The following GIMAP1 variants were observed in gnomAD, a reference collection of about 807,000 sequenced individuals.
The protein encoded by GIMAP1 is GTPase, IMAP family member 1, also known as GTPase IMAP family member 1.
For missense variants in GIMAP1, 423 were observed against 411.9 expected, an observed-to-expected ratio of 1.03 and a Z score of -0.23; for synonymous variants, 230 against 187.7, an observed-to-expected ratio of 1.23 and a Z score of -1.84.
rs1205450432 is a variant in GIMAP1 at position 150,723,007 on chromosome 7, C to G, written c.*2082C>G. ...TCCCCACCTCCAGAGTCTAGTCCTG[C>G]CTCCTACCTCAGTAATAAAAAGTAG... is the stretch of plus-strand genomic sequence containing the variant. On this transcript the variant is annotated 3_prime_UTR_variant, in exon 3 of 3. Transcript: ENST00000307194. 6.6e-6 allele frequency: 1 copy of G among 152,150 alleles called. No homozygotes were observed. The highest frequency in any genetic ancestry group is 1.5e-5 in the Non-Finnish European group (1 of 68,034). The allele number at this position is 152,150 out of a possible 1,614,324, so 9.4% of individuals were successfully genotyped here.
At position 150,720,904 on chromosome 7, in the gene GIMAP1, TG is replaced by T. The variant is rs1667907432; in HGVS notation, c.901del (p.Ala301ArgfsTer22). On this transcript the variant is annotated frameshift_variant, in exon 3 of 3. Coordinates refer to ENST00000307194, the MANE Select transcript of GIMAP1 (RefSeq NM_130759.4). LOFTEE classifies it low-confidence loss of function (END_TRUNC). This position sits in a 1 kb window ranked among gnomAD's most constrained non-coding sequence, Gnocchi z 4.5. ...TCCACAGGCGGTGGTCGGAGGCCGT[TG>T]CGGAGGTCGGGCCTGACTGACAGCG... ...LLHRRWSEAVAEVGPD is the reference protein window; with the variant it reads ...LLHRRWSEAVXEVGPD 6.3e-7 allele frequency: 1 copy of T among 1,581,448 alleles called. No individual in the cohort carries two copies.
intron 1 of GIMAP1, among the ~76,000 whole-genome samples, chr7:150,717,460 C>A (rs1011441622): frequency 6.6e-6 from 1 of 152,090 alleles, no homozygotes; most frequent in Non-Finnish European, 1.5e-5. Flanking sequence ...ATAAACTTTG[C>A]GGTCTCTTAA....
chr7:150,721,089 G>C lies in GIMAP1; in HGVS notation c.*164G>C, dbSNP rs374257583. 2.3e-4 allele frequency: 131 copies of C among 580,590 alleles called. 2 individuals are homozygous for C. In the South Asian group the frequency reaches 2.4e-3, roughly 11 times the overall value. 36.0% of individuals were successfully genotyped at this position (580,590 alleles called of 1,614,324 possible). ...ACCTTTGCAACTTTGCCAAAGCTCAGAGTTCACTTTTTAAGTTTTTAACTC... is the reference window on the plus strand; with the variant it reads ...ACCTTTGCAACTTTGCCAAAGCTCACAGTTCACTTTTTAAGTTTTTAACTC... On this transcript the variant is annotated 3_prime_UTR_variant, in exon 3 of 3. Coordinates refer to ENST00000307194, the MANE Select transcript of GIMAP1 (RefSeq NM_130759.4).
At position 150,720,830 on chromosome 7, in the gene GIMAP1, C is replaced by T. The variant is rs772190415; in HGVS notation, c.826C>T (p.Leu276=). The T allele has an allele frequency of 6.9e-6, 11 of 1,603,534 alleles. No individual in the cohort carries two copies. In the African/African-American group the frequency reaches 1.3e-4, roughly 19 times the overall value. The part of the protein sequence containing the change: ...KWLKSPRSWR[L]GLALLLGGAL... Reference sequence around the variant, plus strand: ...GCTGAAGTCCCCCAGGAGCTGGAGGCTGGGCCTGGCCCTGCTGCTGGGGGG... The same window carrying T: ...GCTGAAGTCCCCCAGGAGCTGGAGGTTGGGCCTGGCCCTGCTGCTGGGGGG... Residue 276 remains leucine (L), a synonymous_variant, in exon 3 of 3, where the codon CTG becomes TTG. Transcript: ENST00000307194. This position sits in a 1 kb window ranked among gnomAD's most constrained non-coding sequence, Gnocchi z 4.5.
intron 1 of GIMAP1, 62 bp from the exon 2 acceptor site, chr7:150,718,980 T>C (rs201754263): frequency 5.1e-6 from 5 of 984,768 alleles, no homozygotes; most frequent in Non-Finnish European, 6.8e-6. Flanking sequence ...TGCCTATTTG[T>C]GGTTATGCCT....
rs548783859 is a variant in GIMAP1, at chr7:150,719,402, T to C, written c.43+312T>C. ...AGTGAACATGATTTGTGAGGTAGAA[T>C]GTTTAGAGAACAAGGATAGAGGGTT... is the stretch of plus-strand genomic sequence containing the variant. On this transcript the variant is annotated intron_variant, in intron 2 of 2. Transcript: ENST00000307194. 23 of 331,348 alleles carry C rather than the reference T, an allele frequency of 6.9e-5. No individual in the cohort carries two copies. The Admixed American group carries it at 7.1e-4, about 10-fold the overall frequency. 20.5% of individuals were successfully genotyped at this position (331,348 alleles called of 1,614,324 possible).
chr7:150,717,614 A>C (rs1797236342), intron 1 of GIMAP1, among the ~76,000 whole-genome samples: 1 of 152,214 alleles, frequency 6.6e-6, no homozygotes, highest in Admixed American at 6.5e-5. Context: ...AAACTATGGA[A>C]AATTCCAAAG....
Position 150,720,361 on chromosome 7 carries a change from C to A in GIMAP1, c.357C>A (p.Thr119=), listed in dbSNP as rs573052594. 6.2e-7 allele frequency: 1 copy of A among 1,608,824 alleles called. No homozygotes were observed. The highest frequency in any genetic ancestry group is 1.3e-5 in the African/African-American group (1 of 74,984). ...GACCCCACGCGCTGCTCCTGGTGACCCAGTTGGGTCGGTTCACCGCCCAGG... is the reference window on the plus strand; with the variant it reads ...GACCCCACGCGCTGCTCCTGGTGACACAGTTGGGTCGGTTCACCGCCCAGG... The part of the protein sequence containing the change: ...APGPHALLLV[T]QLGRFTAQDQ... The change falls in exon 3 of 3, where the codon ACC becomes ACA. Residue 119 remains threonine (T), a synonymous_variant. Transcript: ENST00000307194. This position sits in a 1 kb window ranked among gnomAD's most constrained non-coding sequence, Gnocchi z 4.5.
At position 150,720,564 on chromosome 7, in the gene GIMAP1, C is replaced by A; in HGVS notation, c.560C>A (p.Ala187Asp). ...GCCGAGTGCGGGGGCCGGGTCTGTG[C>A]CTTTGATAACCGGGCCACCGGCCGG... Reference protein sequence around the residue: ...LVAECGGRVCAFDNRATGREQ... With the variant: ...LVAECGGRVCDFDNRATGREQ... Residue 187 changes from alanine (A) to aspartate (D), a missense_variant, in exon 3 of 3, where the codon GCC (alanine) becomes GAC (aspartate). Ala to Asp is a moderately radical substitution (Grantham distance 126). Transcript: ENST00000307194. The surrounding 1 kb of genome is among the most constrained non-coding windows in gnomAD (Gnocchi z 4.5). 6.2e-7 allele frequency: 1 copy of A among 1,613,418 alleles called. No homozygotes were observed. The highest frequency in any genetic ancestry group is 8.5e-7 in the Non-Finnish European group (1 of 1,179,692).
intron 1 of GIMAP1, among the ~76,000 whole-genome samples, chr7:150,718,774 C>A: frequency 6.6e-6 from 1 of 152,194 alleles, no homozygotes; most frequent in East Asian, 1.9e-4. Flanking sequence ...CTCTCAAGTT[C>A]CGATATAATC....
Position 150,720,533 on chromosome 7 carries a change from C to G in GIMAP1, c.529C>G (p.Leu177Val). 1 of 1,608,390 alleles carries G rather than the reference C, an allele frequency of 6.2e-7. No individual in the cohort carries two copies. The change falls in exon 3 of 3, where the codon CTG becomes GTG. Residue 177 changes from leucine (L) to valine (V), a missense_variant. Physicochemically the swap from Leu to Val is conservative, Grantham distance 32. Coordinates refer to ENST00000307194, the MANE Select transcript of GIMAP1 (RefSeq NM_130759.4). This position sits in a 1 kb window ranked among gnomAD's most constrained non-coding sequence, Gnocchi z 4.5. ...SNTENRALRELVAECGGRVCA... is the reference protein window; with the variant it reads ...SNTENRALREVVAECGGRVCA... ...CACAGAGAACCGGGCCTTGCGCGAG[C>G]TGGTGGCCGAGTGCGGGGGCCGGGT...
In GIMAP1 at chr7:150,722,324, C is replaced by G. The variant is rs1301098663; in HGVS notation, c.*1399C>G. On this transcript the variant is annotated 3_prime_UTR_variant, in exon 3 of 3. Transcript: ENST00000307194. ...ACGTTGGGAAGAAGGGGTCTGCAAGCATGCGCACAATTGCCAGCTCAGGCT... is the reference window on the plus strand; with the variant it reads ...ACGTTGGGAAGAAGGGGTCTGCAAGGATGCGCACAATTGCCAGCTCAGGCT... 1 of 152,640 alleles carries G rather than the reference C, an allele frequency of 6.6e-6. No homozygotes were observed. Among genetic ancestry groups the G allele is most frequent in the Non-Finnish European group, 1.5e-5 (1 of 68,336 alleles). 9.5% of individuals were successfully genotyped at this position (152,640 alleles called of 1,614,324 possible).
Position 150,719,507 on chromosome 7 carries a change from A to G in GIMAP1, c.43+417A>G, listed in dbSNP as rs115508361. The G allele has an allele frequency of 2.5e-3, 420 of 171,078 alleles. 4 individuals are homozygous for G. The highest frequency in any genetic ancestry group is 9.5e-3 in the African/African-American group (401 of 42,208). The allele number at this position is 171,078 out of a possible 1,614,324, so 10.6% of individuals were successfully genotyped here. A position where few individuals can be genotyped will look rare whatever the true frequency, so the allele number is the denominator to read the frequency against. On this transcript the variant is annotated intron_variant, in intron 2 of 2. Coordinates refer to ENST00000307194, the MANE Select transcript of GIMAP1 (RefSeq NM_130759.4). ...AGAGAAAGAGGGAGAGAAAGAGAGAAGAAGGAAAGAGGGCTTATTTCACCC... is the reference window on the plus strand; with the variant it reads ...AGAGAAAGAGGGAGAGAAAGAGAGAGGAAGGAAAGAGGGCTTATTTCACCC...
Position 150,722,840 on chromosome 7 carries a change from A to G in GIMAP1, c.*1915A>G, listed in dbSNP as rs566644080. ...AAGGTCGTAACTTCCAGGTCGTGGG[A>G]TTGTTGCTATGGAAAGGAGCCAAAA... On this transcript the variant is annotated 3_prime_UTR_variant, in exon 3 of 3. Transcript: ENST00000307194. 1 of 152,290 alleles carries G rather than the reference A, an allele frequency of 6.6e-6. No individual in the cohort carries two copies. The highest frequency in any genetic ancestry group is 2.1e-4 in the South Asian group (1 of 4,820). The allele number at this position is 152,290 out of a possible 1,614,324, so 9.4% of individuals were successfully genotyped here.
intron 1 of GIMAP1, among the ~76,000 whole-genome samples, chr7:150,717,924 G>A (rs534208863): frequency 6.6e-6 from 1 of 152,286 alleles, no homozygotes; most frequent in East Asian, 1.9e-4. Flanking sequence ...TCAAAGACAA[G>A]TTACTCAGCC....
rs753250113 is a variant in GIMAP1, at chr7:150,720,604, G to A, written c.600G>A (p.Gln200=). ...NRATGREQEA[Q]VEQLLGMVEG... Reference sequence around the variant, plus strand: ...CCACCGGCCGGGAGCAGGAAGCCCAGGTGGAGCAGCTGCTGGGGATGGTCG... The same window carrying A: ...CCACCGGCCGGGAGCAGGAAGCCCAAGTGGAGCAGCTGCTGGGGATGGTCG... The change falls in exon 3 of 3, where the codon CAG becomes CAA. Residue 200 remains glutamine, a synonymous_variant. Coordinates refer to ENST00000307194, the MANE Select transcript of GIMAP1 (RefSeq NM_130759.4). The surrounding 1 kb of genome is among the most constrained non-coding windows in gnomAD (Gnocchi z 4.5). 28 of 1,613,684 alleles carry A rather than the reference G, an allele frequency of 1.7e-5. No homozygotes were observed. The highest frequency in any genetic ancestry group is 2.7e-5 in the African/African-American group (2 of 74,946).
chr7:150,718,273 A>C (rs1189591441), intron 1 of GIMAP1, among the ~76,000 whole-genome samples: 2 of 152,214 alleles, frequency 1.3e-5, no homozygotes, highest in African/African-American at 2.4e-5. Context: ...ATTTCAGCAT[A>C]ATCACATTTG....
At chr7:150,718,045 G>C (rs141531756) in intron 1 of GIMAP1, among the ~76,000 whole-genome samples, 53 of 151,244 alleles carry the variant, frequency 3.5e-4, no homozygotes, top group African/African-American at 1.2e-3. Flanking sequence ...GTGAGGCACA[G>C]ACAGATGGTC....
In GIMAP1 at chr7:150,719,346, G is replaced by A. The variant is rs1379625831; in HGVS notation, c.43+256G>A. 9.7e-6 allele frequency: 5 copies of A among 513,322 alleles called. No individual in the cohort carries two copies. In the Admixed American group the frequency reaches 1.6e-4, roughly 17 times the overall value. 31.8% of individuals were successfully genotyped at this position (513,322 alleles called of 1,614,324 possible). A position where few individuals can be genotyped will look rare whatever the true frequency, so the allele number is the denominator to read the frequency against. On this transcript the variant is annotated intron_variant, in intron 2 of 2. Transcript: ENST00000307194. ...TAAACCTACTCCGATCACCGCAGAAGAAGTGCAGAGGGGATTAAATCATGC... is the reference window on the plus strand; with the variant it reads ...TAAACCTACTCCGATCACCGCAGAAAAAGTGCAGAGGGGATTAAATCATGC...
Sources: gnomAD v4.1 joint callset for allele counts (sites outside exome capture counted in the v4.1 genomes callset) on GRCh38, gnomAD v4.1.1 for gene constraint, Gnocchi (gnomAD v3.1) non-coding constraint, MANE v1.5 for transcripts, NCBI Gene and HGNC (gene_info 2026-07-23, HGNC 2026-07-21) for gene names.